Variants in FNTB observed in about 807,000 individuals in gnomAD.
The protein encoded by FNTB is protein farnesyltransferase subunit beta.
Under a neutral mutation model 59.4 loss-of-function variants are expected in FNTB, and 27 were observed. That is an observed-to-expected ratio of 0.45 (90% confidence interval 0.34 to 0.63). The LOEUF is 0.63. Ranked by LOEUF, FNTB falls within the 20% of genes least tolerant of loss-of-function variation. FNTB has a pLI of 0.02. For synonymous variants in FNTB, 230 were observed against 220.7 expected (o/e 1.04, Z -0.37); for missense variants, 449 against 559.6 (o/e 0.80, Z 1.99).
In FNTB at chr14:65,031,680, G is replaced by A. The variant is rs908793041; in HGVS notation, c.606-930G>A. 1.3e-5 allele frequency among the ~76,000 whole-genome samples: 2 copies of A among 152,110 alleles called. No homozygotes were observed. Among genetic ancestry groups the A allele is most frequent in the African/African-American group, 2.4e-5 (1 of 41,444 alleles). On this transcript the variant is annotated intron_variant, in intron 6 of 11. Transcript: ENST00000246166. This position sits in a 1 kb window ranked among gnomAD's most constrained non-coding sequence, Gnocchi z 4.6. ...TTATGCCTGTAATCCCAGCACTTTG[G>A]GAGGCCAAGGCAGGTGGATTGCTTG... is the stretch of plus-strand genomic sequence containing the variant.
At chr14:65,057,913 T>A (rs558040014) in intron 11 of FNTB, among the ~76,000 whole-genome samples, 2 of 152,342 alleles carry the variant, frequency 1.3e-5, no homozygotes, top group South Asian at 4.1e-4. Context: ...CTTTGGTCTG[T>A]TTGCCTATCT....
chr14:65,021,891 C>G, intron 4 of FNTB: 1 of 455,538 alleles, frequency 2.2e-6, no homozygotes, highest in South Asian at 1.5e-5. Flanking sequence ...AGTGATCCGC[C>G]CACGTCGGCC....
intron 11 of FNTB, among the ~76,000 whole-genome samples, chr14:65,059,843 T>TTC (rs2062821294): frequency 6.7e-6 from 1 of 150,140 alleles, no homozygotes; most frequent in African/African-American, 2.4e-5. Context: ...TTTTCTTTTT[T>TTC]TTTTTTTTTT....
chr14:65,049,109 A>G (rs1566573742), intron 9 of FNTB, among the ~76,000 whole-genome samples: 2 of 147,130 alleles, frequency 1.4e-5, no homozygotes, highest in Non-Finnish European at 3.0e-5. Context: ...CCTGGGTAAC[A>G]GGGCAGGACT....
rs2062866769 is a variant in FNTB at position 65,061,612 on chromosome 14, G to A, written c.*300G>A. The A allele has an allele frequency of 3.4e-6, 1 of 298,082 alleles. No individual in the cohort carries two copies. Among genetic ancestry groups the A allele is most frequent in the East Asian group, 6.4e-5 (1 of 15,722 alleles). 18.5% of individuals were successfully genotyped at this position (298,082 alleles called of 1,614,324 possible). On this transcript the variant is annotated 3_prime_UTR_variant, in exon 12 of 12. Coordinates refer to ENST00000246166, the MANE Select transcript of FNTB (RefSeq NM_002028.4). ...TCCTCACCAGCTCTCCAGCCAGGAC[G>A]ATCACACAGAGATGAATGGCATCTG...
chr14:65,018,558 C>T lies in FNTB; in HGVS notation c.374+2842C>T, dbSNP rs903123950. ...GGCACGGTGTCTCACACCTGTAATC[C>T]CAGGGCTTGGGGAGGCCAAGGTCGG... On this transcript the variant is annotated intron_variant, in intron 4 of 11. Coordinates refer to ENST00000246166, the MANE Select transcript of FNTB (RefSeq NM_002028.4). 2.6e-5 allele frequency among the ~76,000 whole-genome samples: 4 copies of T among 152,150 alleles called. No homozygotes were observed. The East Asian group carries it at 7.7e-4, about 29-fold the overall frequency.
At chr14:65,048,855 AAAC>A (rs542873052) in intron 9 of FNTB, among the ~76,000 whole-genome samples, 18 of 151,768 alleles carry the variant, frequency 1.2e-4, no homozygotes, top group Non-Finnish European at 2.5e-4. Context: ...TGTCTCAAAA[AAAC>A]ACAAAAGCCT....
At chr14:65,018,629 G>C (rs1022951249) in intron 4 of FNTB, among the ~76,000 whole-genome samples, 4 of 151,854 alleles carry the variant, frequency 2.6e-5, no homozygotes, top group Non-Finnish European at 5.9e-5. Flanking sequence ...GGCCAACATG[G>C]GGAAATCTTG....
rs185974767 is a variant in FNTB at position 64,997,586 on chromosome 14, G to C, written c.145-6663G>C. On this transcript the variant is annotated intron_variant, in intron 1 of 11. Coordinates refer to ENST00000246166, the MANE Select transcript of FNTB (RefSeq NM_002028.4). The surrounding 1 kb of genome is among the most constrained non-coding windows in gnomAD (Gnocchi z 4.5). ...TTGATTGTGTCTGTGCAGCAAGCTG[G>C]AAGAACCCGTTGGGCGGTTACAAAA... 2.0e-5 allele frequency among the ~76,000 whole-genome samples: 3 copies of C among 152,340 alleles called. No individual in the cohort carries two copies. Among genetic ancestry groups the C allele is most frequent in the East Asian group, 1.9e-4 (1 of 5,188 alleles).
At chr14:65,006,245 A>G (rs781741722) in intron 2 of FNTB, 1 of 1,611,316 alleles carries the variant, frequency 6.2e-7, no homozygotes, top group Non-Finnish European at 8.5e-7. Context: ...AAGTGTTCAT[A>G]AGGAAAGACA....
chr14:65,019,476 G>A (rs2061847327), intron 4 of FNTB, among the ~76,000 whole-genome samples: 1 of 150,970 alleles, frequency 6.6e-6, no homozygotes, highest in Non-Finnish European at 1.5e-5. Flanking sequence ...AACAGAAGGA[G>A]ACTGTTGTCT....
At chr14:65,043,900 A>G (rs1200002125) in intron 8 of FNTB, among the ~76,000 whole-genome samples, 1 of 151,012 alleles carries the variant, frequency 6.6e-6, no homozygotes, top group African/African-American at 2.4e-5. Context: ...CTTTTAATAA[A>G]CTCCCCGGAG....
chr14:64,995,403 A>G (rs2140040247), intron 1 of FNTB, among the ~76,000 whole-genome samples: 2 of 152,334 alleles, frequency 1.3e-5, no homozygotes, highest in Middle Eastern at 6.8e-3. Context: ...TGTACTGTAC[A>G]TAATTGTATG....
intron 7 of FNTB, among the ~76,000 whole-genome samples, chr14:65,040,249 A>ATATATATGTG (rs2062314367): frequency 3.4e-5 from 5 of 146,734 alleles, no homozygotes; most frequent in East Asian, 2.0e-4. Context: ...GGTTATCACT[A>ATATATATGTG]TATATATATG....
chr14:64,998,108 C>G (rs2139465163), intron 1 of FNTB, among the ~76,000 whole-genome samples: 1 of 152,234 alleles, frequency 6.6e-6, no homozygotes, highest in Non-Finnish European at 1.5e-5. Flanking sequence ...CTTTGTTTAT[C>G]CTTTACTAGT....
Position 65,027,741 on chromosome 14 carries a change from G to A in FNTB, c.565G>A (p.Gly189Ser), listed in dbSNP as rs747278183. 2.5e-6 allele frequency: 4 copies of A among 1,614,154 alleles called. No individual in the cohort carries two copies. The Admixed American group carries it at 5.0e-5, about 20-fold the overall frequency. The change falls in exon 6 of 12, where the codon GGC becomes AGC. Residue 189 changes from glycine (G) to serine (S), a missense_variant. Gly to Ser is a moderately conservative substitution (Grantham distance 56). Around this residue, in one of 2 missense-constraint regions of FNTB, gnomAD observed 337 missense variants for 479.1 expected, o/e 0.70. Transcript: ENST00000246166. The surrounding 1 kb of genome is among the most constrained non-coding windows in gnomAD (Gnocchi z 5.7). ...TTTGTACTCCCTGAAGCAACCTGAC[G>A]GCTCCTTTCTCATGCATGTCGGAGG... The part of the protein sequence containing the change: ...QYLYSLKQPD[G>S]SFLMHVGGEV...
At chr14:65,050,555 C>T (rs1303338728) in intron 9 of FNTB, among the ~76,000 whole-genome samples, 1 of 152,176 alleles carries the variant, frequency 6.6e-6, no homozygotes, top group Non-Finnish European at 1.5e-5. Flanking sequence ...CACACCACTG[C>T]ACTCCAGCCT....
intron 1 of FNTB, 154 bp downstream of exon 1, chr14:64,987,251 G>C (rs983447636): frequency 2.2e-6 from 2 of 896,606 alleles, no homozygotes; most frequent in South Asian, 3.3e-5. Flanking sequence ...GGGCGCCCAG[G>C]CTTGGGCTTC....
At chr14:65,040,426 A>G (rs983877372) in intron 7 of FNTB, among the ~76,000 whole-genome samples, 1 of 151,532 alleles carries the variant, frequency 6.6e-6, no homozygotes, top group Non-Finnish European at 1.5e-5. Flanking sequence ...GGTTTTTAAC[A>G]TTTTACAGTT....
Sources: allele counts gnomAD v4.1 joint callset (sites outside exome capture counted in the v4.1 genomes callset), GRCh38; gene constraint gnomAD v4.1.1; regional missense constraint gnomAD v4.1.1; non-coding constraint Gnocchi (gnomAD v3.1); transcripts MANE v1.5; gene names NCBI Gene and HGNC (gene_info 2026-07-23, HGNC 2026-07-21).